Variants in NTAQ1 observed in about 807,000 individuals in gnomAD.
The protein encoded by NTAQ1 is N-terminal glutamine amidase 1.
NTAQ1 carries 21 observed loss-of-function variants against 28.2 expected under a neutral mutation model. The ratio of observed to expected loss-of-function variants is 0.74; its 90% CI spans 0.53 to 1.07. NTAQ1 has a LOEUF of 1.07. Among genes scored for constraint, NTAQ1 ranks in the 50% least tolerant of loss-of-function variants. NTAQ1 has a pLI of 0.00. For synonymous variants in NTAQ1, 105 were observed against 90.0 expected, an observed-to-expected ratio of 1.17 and a Z score of -0.94; for missense variants, 264 against 256.6, an observed-to-expected ratio of 1.03 and a Z score of -0.20.
Position 123,436,591 on chromosome 8 carries a change from C to T in NTAQ1, c.373C>T (p.Gln125Ter). Residue 125 changes from glutamine to a stop codon, truncating the protein, a stop_gained, in exon 4 of 6, where the codon CAG (glutamine) becomes TAG (stop). Coordinates refer to ENST00000287387, the MANE Select transcript of NTAQ1 (RefSeq NM_018024.3). LOFTEE classifies it high-confidence loss of function. ...TAAGTCTGATGATGACATTCACCCA[C>T]AGTTTAGGAGGTGAGGACATTCAAG... ...AFKSDDDIHP[Q>*]FRRKFRVIRA... 1.2e-6 allele frequency: 2 copies of T among 1,613,688 alleles called. No individual in the cohort carries two copies. Among genetic ancestry groups the T allele is most frequent in the Non-Finnish European group, 1.7e-6 (2 of 1,179,850 alleles).
downstream of NTAQ1, among the ~76,000 whole-genome samples, chr8:123,450,758 A>G (rs530675802): frequency 7.6e-6 from 1 of 130,918 alleles, no homozygotes; most frequent in East Asian, 2.9e-4. Context: ...GCACCACTCC[A>G]ATAACTCTTT....
chr8:123,454,636 G>T (rs1220012451), intron 6 of NTAQ1, among the ~76,000 whole-genome samples: 2 of 152,190 alleles, frequency 1.3e-5, no homozygotes, highest in Non-Finnish European at 2.9e-5. Flanking sequence ...CTCACTTCTA[G>T]CCTTGGTGCC....
chr8:123,422,193 C>A (rs1208367007), intron 1 of NTAQ1, among the ~76,000 whole-genome samples: 1 of 151,718 alleles, frequency 6.6e-6, no homozygotes, highest in African/African-American at 2.4e-5. Flanking sequence ...TATTTAAGTT[C>A]CTTATAGATT....
At chr8:123,460,265 C>T (rs1348571122) in intron 6 of NTAQ1, among the ~76,000 whole-genome samples, 1 of 152,156 alleles carries the variant, frequency 6.6e-6, no homozygotes, top group African/African-American at 2.4e-5. Context: ...AATTATTAGT[C>T]CTTACAATAA....
chr8:123,439,053 C>T (rs1454167578), intron 5 of NTAQ1, among the ~76,000 whole-genome samples: 1 of 152,214 alleles, frequency 6.6e-6, no homozygotes, highest in Non-Finnish European at 1.5e-5. Context: ...AACCCCTTGT[C>T]AGCCCTGGTC....
intron 3 of NTAQ1, chr8:123,435,662 T>C: frequency 2.9e-6 from 1 of 340,192 alleles, no homozygotes; most frequent in Non-Finnish European, 4.2e-6. Flanking sequence ...AGGCCAGAAG[T>C]TGGAGACCAG....
intron 5 of NTAQ1, among the ~76,000 whole-genome samples, chr8:123,439,155 G>A (rs1447056102): frequency 6.6e-6 from 1 of 151,424 alleles, no homozygotes; most frequent in Middle Eastern, 3.2e-3. Flanking sequence ...TATATGGGCT[G>A]CCGAGGTGAG....
chr8:123,439,581 C>T (rs1814924969), intron 5 of NTAQ1, among the ~76,000 whole-genome samples: 1 of 151,940 alleles, frequency 6.6e-6, no homozygotes, highest in African/African-American at 2.4e-5. Context: ...CTCCTGACCT[C>T]GTGATCTGCC....
intron 2 of NTAQ1, among the ~76,000 whole-genome samples, chr8:123,428,342 A>G (rs1814194313): frequency 6.6e-6 from 1 of 151,808 alleles, no homozygotes; most frequent in Non-Finnish European, 1.5e-5. Context: ...GACTACAGGC[A>G]TGTGCCACCA....
intron 1 of NTAQ1, among the ~76,000 whole-genome samples, chr8:123,419,454 C>T (rs1813530756): frequency 6.6e-6 from 1 of 152,170 alleles, no homozygotes; most frequent in Admixed American, 6.6e-5. Context: ...CTGTTAGCTT[C>T]CGTCATGTTA....
chr8:123,475,660 A>G, the NTAQ1 span, among the ~76,000 whole-genome samples: 1 of 152,244 alleles, frequency 6.6e-6, no homozygotes, highest in Admixed American at 6.5e-5. Context: ...ACTTCTACTT[A>G]TCTCCTAATA....
downstream of NTAQ1, among the ~76,000 whole-genome samples, chr8:123,451,096 C>G (rs1815477867): frequency 6.6e-6 from 1 of 152,198 alleles, no homozygotes; most frequent in Non-Finnish European, 1.5e-5. Context: ...GTGAGCAGGA[C>G]AAGCTCATTC....
At chr8:123,465,799 C>T (rs1815947982) in intron 6 of NTAQ1, among the ~76,000 whole-genome samples, 1 of 151,892 alleles carries the variant, frequency 6.6e-6, no homozygotes, top group Non-Finnish European at 1.5e-5. Flanking sequence ...CCAGGCTGGT[C>T]TCGGAACTCC....
At chr8:123,457,309 C>A (rs1471101959) in intron 6 of NTAQ1, among the ~76,000 whole-genome samples, 1 of 151,964 alleles carries the variant, frequency 6.6e-6, no homozygotes, top group East Asian at 1.9e-4. Context: ...TCAAGTGATC[C>A]GCCTGCCTCG....
chr8:123,463,608 G>A (rs139773574), intron 6 of NTAQ1, among the ~76,000 whole-genome samples: 1 of 152,314 alleles, frequency 6.6e-6, no homozygotes, highest in East Asian at 1.9e-4. Flanking sequence ...GTGTGAGATT[G>A]ACGTGGTATA....
chr8:123,428,132 A>C, intron 2 of NTAQ1, 109 bp downstream of exon 2: 1 of 740,598 alleles, frequency 1.4e-6, no homozygotes, highest in East Asian at 2.6e-5. Flanking sequence ...ACTCTTCTGA[A>C]GTGTGCTTTA....
intron 6 of NTAQ1, among the ~76,000 whole-genome samples, chr8:123,455,673 C>T (rs1815629125): frequency 6.6e-6 from 1 of 152,058 alleles, no homozygotes; most frequent in South Asian, 2.1e-4. Flanking sequence ...AATCCACCCT[C>T]CTTGGCCTCC....
At chr8:123,418,663 C>T (rs988584323) in intron 1 of NTAQ1, among the ~76,000 whole-genome samples, 1 of 152,078 alleles carries the variant, frequency 6.6e-6, no homozygotes, top group African/African-American at 2.4e-5. Context: ...GCAGGGAGAA[C>T]AGCAGGTACA....
Position 123,436,566 on chromosome 8 carries a change from T to G in NTAQ1, c.348T>G (p.Phe116Leu), listed in dbSNP as rs756042791. 1.2e-6 allele frequency: 2 copies of G among 1,614,016 alleles called. No individual in the cohort carries two copies. Among genetic ancestry groups the G allele is most frequent in the South Asian group, 2.2e-5 (2 of 91,066 alleles). The change falls in exon 4 of 6, where the codon TTT becomes TTG. Residue 116 changes from phenylalanine to leucine, a missense_variant. Phe to Leu is a conservative substitution (Grantham distance 22). Coordinates refer to ENST00000287387, the MANE Select transcript of NTAQ1 (RefSeq NM_018024.3). ...CLFDTYVEDA[F>L]KSDDDIHPQF... ...TTGACACTTATGTAGAAGATGCCTT[T>G]AAGTCTGATGATGACATTCACCCAC...
Sources: gnomAD v4.1 joint callset for allele counts (sites outside exome capture counted in the v4.1 genomes callset) on GRCh38, gnomAD v4.1.1 for gene constraint, MANE v1.5 for transcripts, NCBI Gene and HGNC (gene_info 2026-07-23, HGNC 2026-07-21) for gene names.